The following RAVER2 variants were observed in gnomAD, a reference collection of about 807,000 sequenced individuals.
RAVER2 encodes the protein ribonucleoprotein PTB-binding 2.
RAVER2 carries 46 observed loss-of-function variants against 78.1 expected under a neutral mutation model. The observed-to-expected ratio is 0.59, with a 90% confidence interval of 0.46 to 0.75. RAVER2 has a LOEUF of 0.75. Ranked by LOEUF, RAVER2 falls within the 30% of genes least tolerant of loss-of-function variation. The pLI is 0.00. For synonymous variants in RAVER2, 311 were observed against 313.3 expected (o/e 0.99, Z 0.08); for missense variants, 793 against 837.5 (o/e 0.95, Z 0.66).
At chr1:64,775,187 C>T (rs1173597647) in intron 2 of RAVER2, among the ~76,000 whole-genome samples, 1 of 152,070 alleles carries the variant, frequency 6.6e-6, no homozygotes, top group Non-Finnish European at 1.5e-5. Flanking sequence ...GGATGAAAAT[C>T]GTGAGTTATG....
intron 5 of RAVER2, among the ~76,000 whole-genome samples, chr1:64,792,296 C>T (rs76068228): frequency 0.054 from 8,273 of 152,192 alleles, 564 homozygotes; most frequent in East Asian, 0.32. Context: ...ATATGATGTG[C>T]ACAGACACAA....
At chr1:64,794,725 G>GT (rs984814682) in intron 5 of RAVER2, among the ~76,000 whole-genome samples, 6 of 151,882 alleles carry the variant, frequency 4.0e-5, no homozygotes, top group Non-Finnish European at 7.4e-5. Context: ...TTGTAAGAGT[G>GT]TTTTTTTATT....
At chr1:64,769,918 C>T (rs1434720371) in intron 2 of RAVER2, among the ~76,000 whole-genome samples, 1 of 151,966 alleles carries the variant, frequency 6.6e-6, no homozygotes, top group Non-Finnish European at 1.5e-5. Flanking sequence ...TCATAAATGG[C>T]ATTCTAATGT....
At chr1:64,777,051 T>C in intron 2 of RAVER2, among the ~76,000 whole-genome samples, 1 of 152,304 alleles carries the variant, frequency 6.6e-6, no homozygotes, top group East Asian at 1.9e-4. Context: ...TGTCTGTGTG[T>C]TATGTCAATC....
At chr1:64,807,467 G>A in exon 9 of RAVER2, 9 of 1,612,884 alleles carry the variant, frequency 5.6e-6, no homozygotes, top group Non-Finnish European at 7.6e-6. Flanking sequence ...ACAGAGATAA[G>A]TTCAGGGGTA....
intron 3 of RAVER2, among the ~76,000 whole-genome samples, chr1:64,778,534 A>G (rs1216004494): frequency 1.3e-5 from 2 of 152,174 alleles, no homozygotes; most frequent in African/African-American, 2.4e-5. Context: ...ATGAAGAGTG[A>G]TATAATGGAG....
intron 4 of RAVER2, among the ~76,000 whole-genome samples, chr1:64,783,195 G>A (rs958495604): frequency 1.3e-5 from 2 of 152,122 alleles, no homozygotes; most frequent in African/African-American, 4.8e-5. Context: ...AAATATATGT[G>A]TGCATGTGTC....
intron 11 of RAVER2, chr1:64,815,525 G>A (rs1016812631): frequency 1.3e-5 from 2 of 152,134 alleles, no homozygotes; most frequent in Non-Finnish European, 2.9e-5. Flanking sequence ...TGTTAGCCCT[G>A]TGTGATTATG....
chr1:64,749,791 AT>A (rs1312599675), intron 1 of RAVER2, among the ~76,000 whole-genome samples: 19 of 152,106 alleles, frequency 1.2e-4, no homozygotes, highest in South Asian at 8.3e-4. Context: ...ATGTTTTAAT[AT>A]TTTTTCTAAT....
At chr1:64,766,474 C>T (rs925191750) in intron 1 of RAVER2, among the ~76,000 whole-genome samples, 1 of 152,072 alleles carries the variant, frequency 6.6e-6, no homozygotes, top group African/African-American at 2.4e-5. Flanking sequence ...TTGGGTTTTT[C>T]TTTGTAGGAA....
intron 2 of RAVER2, among the ~76,000 whole-genome samples, chr1:64,769,841 T>C (rs746233845): frequency 2.6e-5 from 4 of 152,068 alleles, no homozygotes; most frequent in Non-Finnish European, 5.9e-5. Flanking sequence ...CCACAGTATC[T>C]TGACTAACCT....
chr1:64,782,770 G>A (rs534797916), intron 4 of RAVER2, among the ~76,000 whole-genome samples: 2 of 152,300 alleles, frequency 1.3e-5, no homozygotes, highest in South Asian at 2.1e-4. Flanking sequence ...AAGCAAGGAA[G>A]ACTATTGAGT....
intron 1 of RAVER2, among the ~76,000 whole-genome samples, chr1:64,756,127 G>A (rs959392684): frequency 1.3e-5 from 2 of 152,048 alleles, no homozygotes; most frequent in African/African-American, 4.8e-5. Context: ...TGGTTCGTAT[G>A]GTGTTCCTTC....
intron 11 of RAVER2, among the ~76,000 whole-genome samples, chr1:64,824,102 C>T (rs1320948516): frequency 1.3e-5 from 2 of 152,148 alleles, no homozygotes; most frequent in African/African-American, 4.8e-5. Context: ...CCACCGCGCC[C>T]GGCCTGATTT....
At chr1:64,784,497 A>G (rs995324138) in intron 4 of RAVER2, among the ~76,000 whole-genome samples, 1 of 152,150 alleles carries the variant, frequency 6.6e-6, no homozygotes, top group African/African-American at 2.4e-5. Context: ...CTAAGAGCTG[A>G]TATCAGTAGA....
intron 9 of RAVER2, among the ~76,000 whole-genome samples, chr1:64,810,430 A>G (rs1446955149): frequency 1.3e-5 from 2 of 152,198 alleles, no homozygotes; most frequent in Admixed American, 6.5e-5. Context: ...TTCACATGGT[A>G]AAAGGCTGGA....
In RAVER2 at chr1:64,799,794, G is replaced by C. The variant is rs529061736; in HGVS notation, c.1106-3182G>C. Among the ~76,000 whole-genome samples, 6 of 152,170 alleles carry C rather than the reference G, an allele frequency of 3.9e-5. No homozygotes were observed. In the South Asian group the frequency reaches 8.3e-4, roughly 21 times the overall value. ...CATTAGTGGATTGCTGGATCCATAT[G>C]GTAGTTCTATATTTGTTTTTTTGAG... On this transcript the variant is annotated intron_variant, in intron 5 of 11. Transcript: ENST00000294428.
At chr1:64,777,522 A>G (rs1040011232) in intron 2 of RAVER2, 101 bp from the exon 3 acceptor site, 7 of 915,234 alleles carry the variant, frequency 7.6e-6, no homozygotes, top group African/African-American at 1.7e-5. Flanking sequence ...TTCAGAAAAA[A>G]GGTGTATGTT....
At chr1:64,817,249 AAAC>A (rs1274303422) in intron 11 of RAVER2, among the ~76,000 whole-genome samples, 3 of 152,302 alleles carry the variant, frequency 2.0e-5, no homozygotes, top group South Asian at 2.1e-4. Flanking sequence ...AAAAGTCAGG[AAAC>A]AACAGGTGCT....
Sources: gnomAD v4.1 joint callset for allele counts (sites outside exome capture counted in the v4.1 genomes callset) on GRCh38, gnomAD v4.1.1 for gene constraint, MANE v1.5 for transcripts, NCBI Gene and HGNC (gene_info 2026-07-23, HGNC 2026-07-21) for gene names.